MARF1: variants seen among roughly 807,000 people sequenced by gnomAD.
MARF1 encodes the protein meiosis regulator and mRNA stability factor 1.
Under a neutral mutation model 168.2 loss-of-function variants are expected in MARF1, and 24 were observed. The observed-to-expected ratio is 0.14, with a 90% confidence interval of 0.10 to 0.20. MARF1 has a LOEUF of 0.20. MARF1 is among the 10% of genes least tolerant of loss of function. MARF1 has a pLI of 1.00. For synonymous variants in MARF1, 868 were observed against 822.4 expected, an observed-to-expected ratio of 1.06 and a Z score of -0.95; for missense variants, 1,744 against 2,143.6, an observed-to-expected ratio of 0.81 and a Z score of 3.68.
chr16:15,600,426 ACCACTG>A lies in MARF1; in HGVS notation c.4809_4813+1del. 1 of 1,613,854 alleles carries A rather than the reference ACCACTG, an allele frequency of 6.2e-7. No homozygotes were observed. The highest frequency in any genetic ancestry group is 1.1e-5 in the South Asian group (1 of 91,068). Reference sequence around the variant, plus strand: ...CCTATGTCTCTGCTTTTCCTCTCTTACCACTGCCGTCAGCTCCAAGCTTGAGTTCCG... The same window carrying A: ...CCTATGTCTCTGCTTTTCCTCTCTTACCGTCAGCTCCAAGCTTGAGTTCCG... On this transcript the variant is annotated splice_donor_variant and coding_sequence_variant, in exon 25 of 27. Coordinates refer to ENST00000396368, the MANE Select transcript of MARF1 (RefSeq NM_014647.4). LOFTEE classifies it high-confidence loss of function.
At chr16:15,628,969 G>GT (rs2035062322) in intron 7 of MARF1, among the ~76,000 whole-genome samples, 1 of 151,318 alleles carries the variant, frequency 6.6e-6, no homozygotes, top group African/African-American at 2.4e-5. Flanking sequence ...CATTGTTTTG[G>GT]TTTTTTTAAC....
chr16:15,613,970 C>T (rs2033816722), intron 16 of MARF1, among the ~76,000 whole-genome samples: 1 of 152,108 alleles, frequency 6.6e-6, no homozygotes, highest in Non-Finnish European at 1.5e-5. Flanking sequence ...AGGAAGGCAA[C>T]AAGTAAAGTG....
At chr16:15,624,102 G>C (rs539972293) in intron 10 of MARF1, among the ~76,000 whole-genome samples, 1 of 151,744 alleles carries the variant, frequency 6.6e-6, no homozygotes, top group African/African-American at 2.4e-5. Context: ...TAGTAGAGAT[G>C]GGGTTTCACC....
Position 15,633,847 on chromosome 16 carries a change from A to C in MARF1, c.1007-4T>G. ...GCTACTGCAACTTCTGGTGACCCTT[A>C]AGAAATGTTAACATTTTCAATTACT... On this transcript the variant is annotated splice_region_variant and splice_polypyrimidine_tract_variant and intron_variant, in intron 4 of 26. Coordinates refer to ENST00000396368, the MANE Select transcript of MARF1 (RefSeq NM_014647.4). The C allele has an allele frequency of 6.3e-7, 1 of 1,594,086 alleles. No homozygotes were observed. Among genetic ancestry groups the C allele is most frequent in the Non-Finnish European group, 8.6e-7 (1 of 1,168,180 alleles).
intron 26 of MARF1, among the ~76,000 whole-genome samples, 176 bp from the exon 27 acceptor site, chr16:15,597,113 TC>T (rs1567520192): frequency 6.6e-6 from 1 of 152,196 alleles, no homozygotes; most frequent in Non-Finnish European, 1.5e-5. Context: ...GGCACAGAAA[TC>T]AAGTATCTAT....
intron 13 of MARF1, among the ~76,000 whole-genome samples, chr16:15,618,467 A>C (rs9652609): frequency 0.16 from 24,889 of 151,772 alleles, 3,613 homozygotes; most frequent in African/African-American, 0.4. Flanking sequence ...CCCCTTCCCT[A>C]CTGGATTTTA....
intron 2 of MARF1, 91 bp from the exon 3 acceptor site, chr16:15,636,433 G>A: frequency 1.1e-6 from 1 of 888,636 alleles, no homozygotes; most frequent in African/African-American, 1.7e-5. Context: ...AACAGAAATA[G>A]TGTTCAATTC....
In MARF1 at chr16:15,609,683, T is replaced by G; in HGVS notation, c.3794A>C (p.Lys1265Thr). The change falls in exon 20 of 27, where the codon AAG (lysine) becomes ACG (threonine). Residue 1265 changes from lysine (K) to threonine (T), a missense_variant. By Grantham distance (78) the Lys-to-Thr change is moderately conservative. Coordinates refer to ENST00000396368, the MANE Select transcript of MARF1 (RefSeq NM_014647.4). ...GTGACGCAGCAAATCAACGACATCCTTGGAGAACTGTTTTGTCCTTTCTAT... is the reference window on the plus strand; with the variant it reads ...GTGACGCAGCAAATCAACGACATCCGTGGAGAACTGTTTTGTCCTTTCTAT... ...DEIERTKQFS[K>T]DVVDLLRHQP... is the part of the protein sequence containing the mutation. 1 of 1,614,176 alleles carries G rather than the reference T, an allele frequency of 6.2e-7. No individual in the cohort carries two copies. The highest frequency in any genetic ancestry group is 8.5e-7 in the Non-Finnish European group (1 of 1,180,018).
In MARF1 at chr16:15,635,810, C is replaced by T. The variant is rs778360959; in HGVS notation, c.677G>A (p.Cys226Tyr). 2.5e-6 allele frequency: 4 copies of T among 1,614,176 alleles called. No individual in the cohort carries two copies. Among genetic ancestry groups the T allele is most frequent in the Non-Finnish European group, 3.4e-6 (4 of 1,180,040 alleles). ...QGCTSAGYFP[C>Y]SDFTSGAPGH... is the part of the protein sequence containing the mutation. ...TGGAGCCCCGCTTGTGAAATCAGAACAGGGGAAATAGCCAGCGGAGGTGCA... is the reference window on the plus strand; with the variant it reads ...TGGAGCCCCGCTTGTGAAATCAGAATAGGGGAAATAGCCAGCGGAGGTGCA... The change falls in exon 3 of 27, where the codon TGT (cysteine) becomes TAT (tyrosine). Residue 226 changes from cysteine to tyrosine, a missense_variant. By Grantham distance (194) the Cys-to-Tyr change is radical. Around this residue, in one of 7 missense-constraint regions of MARF1, gnomAD observed 318 missense variants for 336.6 expected, o/e 0.94. Coordinates refer to ENST00000396368, the MANE Select transcript of MARF1 (RefSeq NM_014647.4).
rs182818147 is a variant in MARF1, at chr16:15,595,618, G to C, written c.*1075C>G. On this transcript the variant is annotated 3_prime_UTR_variant, in exon 27 of 27. Transcript: ENST00000396368. ...GCGAGAAGTAACGAGAGTAAAATCA[G>C]ACACGATTAAAAGATGCTGAGCTGA... 72 of 152,528 alleles carry C rather than the reference G, an allele frequency of 4.7e-4. No homozygotes were observed. Among genetic ancestry groups the C allele is most frequent in the African/African-American group, 1.6e-3 (66 of 41,554 alleles). The allele number at this position is 152,528 out of a possible 1,614,324, so 9.4% of individuals were successfully genotyped here.
At chr16:15,615,628 AAAAT>A (rs1476488051) in intron 16 of MARF1, among the ~76,000 whole-genome samples, 198 bp downstream of exon 16, 2 of 152,202 alleles carry the variant, frequency 1.3e-5, no homozygotes, top group African/African-American at 2.4e-5. Flanking sequence ...CGTCTCAAAA[AAAAT>A]AAATAAATAA....
In MARF1 at chr16:15,625,830, G is replaced by C; in HGVS notation, c.1525-30C>G. On this transcript the variant is annotated intron_variant, in intron 7 of 26. Coordinates refer to ENST00000396368, the MANE Select transcript of MARF1 (RefSeq NM_014647.4). ...TACAGAGGAAAGAAGTGTTACGTCA[G>C]GTTAATTCAAGGGCACACATTCAAT... 3 of 1,568,046 alleles carry C rather than the reference G, an allele frequency of 1.9e-6. No homozygotes were observed. In the South Asian group the frequency reaches 3.4e-5, roughly 18 times the overall value.
chr16:15,614,578 G>T (rs1376690571), intron 16 of MARF1, among the ~76,000 whole-genome samples: 1 of 147,918 alleles, frequency 6.8e-6, no homozygotes, highest in East Asian at 2.0e-4. Context: ...GAGGTCAGGA[G>T]ATCAAGACCA....
intron 7 of MARF1, among the ~76,000 whole-genome samples, chr16:15,629,177 C>T (rs563770742): frequency 6.6e-6 from 1 of 151,884 alleles, no homozygotes; most frequent in African/African-American, 2.4e-5. Flanking sequence ...GAAAAGTGAC[C>T]GTCAAACAGA....
Position 15,634,740 on chromosome 16 carries a change from G to A in MARF1, c.1006+17C>T, listed in dbSNP as rs746930150. 1.9e-6 allele frequency: 3 copies of A among 1,603,672 alleles called. No individual in the cohort carries two copies. The highest frequency in any genetic ancestry group is 1.7e-6 in the Non-Finnish European group (2 of 1,174,774). ...AGCTATTTAAATATGCACATTTTAT[G>A]CCATACTGTCATTTACCAAATTTTG... On this transcript the variant is annotated intron_variant, in intron 4 of 26. Coordinates refer to ENST00000396368, the MANE Select transcript of MARF1 (RefSeq NM_014647.4).
intron 26 of MARF1, 148 bp downstream of exon 26, chr16:15,598,706 G>GTTT: frequency 1.2e-6 from 1 of 815,916 alleles, no homozygotes; most frequent in Non-Finnish European, 1.9e-6. Flanking sequence ...AACCCAGGTG[G>GTTT]GGAAAGAAGG....
chr16:15,599,187 A>T (rs561582006), intron 25 of MARF1, 163 bp from the exon 26 acceptor site: 3 of 678,652 alleles, frequency 4.4e-6, no homozygotes, highest in Non-Finnish European at 7.5e-6. Context: ...AAAAACCCAA[A>T]ACCCACTAAC....
chr16:15,623,046 C>A lies in MARF1; in HGVS notation c.2348G>T (p.Cys783Phe), dbSNP rs1325627717. 1.2e-6 allele frequency: 2 copies of A among 1,611,382 alleles called. No homozygotes were observed. Among genetic ancestry groups the A allele is most frequent in the East Asian group, 4.5e-5 (2 of 44,780 alleles). Residue 783 changes from cysteine (C) to phenylalanine (F), a missense_variant, in exon 11 of 27, where the codon TGC (cysteine) becomes TTC (phenylalanine). By Grantham distance (205) the Cys-to-Phe change is radical (BLOSUM62 -2). This residue lies in a region of MARF1 where 270 missense variants were observed against 260.6 expected (regional missense o/e 1.04). Coordinates refer to ENST00000396368, the MANE Select transcript of MARF1 (RefSeq NM_014647.4). ...NIANSSSEADCPDPFANGADV... is the reference protein window; with the variant it reads ...NIANSSSEADFPDPFANGADV... ...AGCACCATTTGCAAATGGGTCTGGG[C>A]AGTCGGCTTCGCTGCTCGAATTTGC...
rs2034776600 is a variant in MARF1 at position 15,625,412 on chromosome 16, G to A, written c.1913C>T (p.Ser638Phe). Residue 638 changes from serine to phenylalanine, a missense_variant, in exon 8 of 27, where the codon TCT becomes TTT. By Grantham distance (155) the Ser-to-Phe change is radical (BLOSUM62 -2). Coordinates refer to ENST00000396368, the MANE Select transcript of MARF1 (RefSeq NM_014647.4). The part of the protein sequence containing the change: ...ATPGKGSQAN[S>F]GSATKNTNVK... ...ATTTGTATTTTTTGTAGCAGATCCA[G>A]AATTTGCCTGTGACCCTTTTCCAGG... 1 of 1,610,456 alleles carries A rather than the reference G, an allele frequency of 6.2e-7. No individual in the cohort carries two copies. Among genetic ancestry groups the A allele is most frequent in the African/African-American group, 1.3e-5 (1 of 74,566 alleles).
Sources: allele counts gnomAD v4.1 joint callset (sites outside exome capture counted in the v4.1 genomes callset), GRCh38; gene constraint gnomAD v4.1.1; regional missense constraint gnomAD v4.1.1; transcripts MANE v1.5; gene names NCBI Gene and HGNC (gene_info 2026-07-23, HGNC 2026-07-21).